The following TSFM variants were observed in gnomAD, a reference collection of about 807,000 sequenced individuals.
TSFM encodes Ts translation elongation factor, mitochondrial, also known as elongation factor Ts, mitochondrial.
TSFM carries 29 observed loss-of-function variants against 33.4 expected under a neutral mutation model. The ratio of observed to expected loss-of-function variants is 0.87; its 90% confidence interval spans 0.65 to 1.18. The LOEUF (loss-of-function observed/expected upper bound fraction) is 1.18. TSFM is among the 50% of genes most tolerant of loss of function. The pLI, the probability that TSFM is intolerant of heterozygous loss-of-function variation, is 0.00. For synonymous variants in TSFM, 178 were observed against 163.5 expected (o/e 1.09, Z -0.68); for missense variants, 394 against 395.6 (o/e 1.00, Z 0.04).
chr12:57,798,131 TG>T (rs1322090471), downstream of TSFM: 7 of 530,390 alleles, frequency 1.3e-5, no homozygotes, highest in African/African-American at 2.0e-5. Flanking sequence ...TCAGAAAGGC[TG>T]TTAAAGATTT....
intron 4 of TSFM, among the ~76,000 whole-genome samples, chr12:57,790,683 G>A (rs1955650811): frequency 6.6e-6 from 1 of 151,500 alleles, no homozygotes; most frequent in Admixed American, 6.6e-5. Flanking sequence ...TTCCTTCTGT[G>A]AGCTTATGTT....
intron 4 of TSFM, chr12:57,791,895 A>G: frequency 3.0e-6 from 1 of 335,690 alleles, no homozygotes; most frequent in Non-Finnish European, 6.1e-6. Flanking sequence ...ACCATTTTGC[A>G]TTCCCATCAA....
chr12:57,783,356 A>G (rs1955540308), intron 2 of TSFM, 73 bp downstream of exon 2: 6 of 1,576,384 alleles, frequency 3.8e-6, no homozygotes, highest in Non-Finnish European at 5.2e-6. Context: ...CACGCTGGGG[A>G]GCATAAAGTT....
chr12:57,797,950 T>C (rs753424500), downstream of TSFM: 3 of 1,613,418 alleles, frequency 1.9e-6, no homozygotes, highest in Non-Finnish European at 1.7e-6. Context: ...AATTGCCCTC[T>C]TGTGATGCCA....
chr12:57,782,879 T>G, intron 1 of TSFM, 21 bp downstream of exon 1: 1 of 1,584,234 alleles, frequency 6.3e-7, no homozygotes. Context: ...CTGGTGCTGG[T>G]ACCGACCTGC....
Position 57,786,299 on chromosome 12 carries a change from G to T in TSFM, c.360+8G>T, listed in dbSNP as rs781259889. The T allele has an allele frequency of 1.8e-5, 29 of 1,608,964 alleles. No homozygotes were observed. The highest frequency in any genetic ancestry group is 2.4e-5 in the Non-Finnish European group (28 of 1,177,296). On this transcript the variant is annotated splice_region_variant and intron_variant, in intron 3 of 5. Transcript: ENST00000652027. ...ACAACTGTATTAGTAGAGGTGAGTT[G>T]TTGGAAATTCCAGATACCAAGAACA...
chr12:57,784,856 G>A (rs945300477), intron 2 of TSFM, among the ~76,000 whole-genome samples: 1 of 151,064 alleles, frequency 6.6e-6, no homozygotes, highest in Non-Finnish European at 1.5e-5. Context: ...CTCCAGCCTG[G>A]GCAATAAGAG....
chr12:57,796,290 C>G lies in TSFM; in HGVS notation c.685C>G (p.Leu229Val). 3 of 1,612,558 alleles carry G rather than the reference C, an allele frequency of 1.9e-6. No homozygotes were observed. The highest frequency in any genetic ancestry group is 2.5e-6 in the Non-Finnish European group (3 of 1,179,280). ...GAMQSPSLHKLVLGKYGALVI... is the reference protein window; with the variant it reads ...GAMQSPSLHKVVLGKYGALVI... ...AATGCAGAGTCCCTCACTTCACAAGCTGGTGCTGGGGAAGTATGGGGCCCT... is the reference window on the plus strand; with the variant it reads ...AATGCAGAGTCCCTCACTTCACAAGGTGGTGCTGGGGAAGTATGGGGCCCT... Residue 229 changes from leucine to valine, a missense_variant, in exon 6 of 6, where the codon CTG becomes GTG. This residue lies in a region of TSFM where 186 missense variants were observed against 198.8 expected (regional missense o/e 0.94). Coordinates refer to ENST00000652027, the MANE Select transcript of TSFM (RefSeq NM_005726.6).
At chr12:57,784,340 A>G (rs933165635) in intron 2 of TSFM, among the ~76,000 whole-genome samples, 1 of 152,250 alleles carries the variant, frequency 6.6e-6, no homozygotes, top group African/African-American at 2.4e-5. Context: ...TTAGGACACT[A>G]TGGTGCACTA....
downstream of TSFM, chr12:57,801,339 A>C (rs1384954363): frequency 2.8e-6 from 2 of 710,528 alleles, no homozygotes; most frequent in Non-Finnish European, 4.7e-6. Context: ...AAGGATAAGT[A>C]AAAATGAAAA....
chr12:57,782,861 G>A lies in TSFM; in HGVS notation c.57+3G>A. 1 of 1,591,750 alleles carries A rather than the reference G, an allele frequency of 6.3e-7. No individual in the cohort carries two copies. Among genetic ancestry groups the A allele is most frequent in the South Asian group, 1.1e-5 (1 of 87,542 alleles). ...TCGCGCGGACCGGGAGCTACCCGGT[G>A]AGAAGTCCTGGTGCTGGTACCGACC... is the stretch of plus-strand genomic sequence containing the variant. On this transcript the variant is annotated splice_donor_region_variant and intron_variant, in intron 1 of 5. Transcript: ENST00000652027.
At chr12:57,801,372 G>T, downstream of TSFM, 1 of 561,728 alleles carries the variant, frequency 1.8e-6, no homozygotes, top group East Asian at 3.1e-5. Flanking sequence ...GGTCCATGCA[G>T]GCTTGAAAGG....
intron 4 of TSFM, among the ~76,000 whole-genome samples, 150 bp from the exon 5 acceptor site, chr12:57,792,832 TCCAC>T (rs1414978735): frequency 1.3e-5 from 2 of 152,234 alleles, no homozygotes; most frequent in Non-Finnish European, 2.9e-5. Context: ...CCTCAGGTGA[TCCAC>T]CCACCTTGGC....
intron 2 of TSFM, 62 bp downstream of exon 2, chr12:57,783,345 T>TG: frequency 6.3e-7 from 1 of 1,599,362 alleles, no homozygotes; most frequent in Non-Finnish European, 8.6e-7. Context: ...CTTGGGGCGG[T>TG]CACGCTGGGG....
At chr12:57,786,107 A>C in intron 2 of TSFM, 56 bp from the exon 3 acceptor site, 1 of 1,528,332 alleles carries the variant, frequency 6.5e-7, no homozygotes, top group Non-Finnish European at 8.8e-7. Flanking sequence ...TTAGAACTAC[A>C]TTTAGTGCTA....
chr12:57,784,844 C>T (rs1197080852), intron 2 of TSFM, among the ~76,000 whole-genome samples: 1 of 150,124 alleles, frequency 6.7e-6, no homozygotes, highest in East Asian at 2.0e-4. Context: ...CGTGCCATTG[C>T]ACTCCAGCCT....
intron 4 of TSFM, among the ~76,000 whole-genome samples, chr12:57,791,594 T>C (rs890574517): frequency 2.6e-5 from 4 of 152,226 alleles, no homozygotes; most frequent in African/African-American, 9.6e-5. Context: ...CACTTAATAA[T>C]ATGTCCTGGA....
chr12:57,786,100 G>A (rs1201748730), intron 2 of TSFM, 63 bp from the exon 3 acceptor site: 1 of 1,503,274 alleles, frequency 6.7e-7, no homozygotes, highest in African/African-American at 1.4e-5. Flanking sequence ...GTATATCTTA[G>A]AACTACATTT....
intron 4 of TSFM, 33 bp from the exon 5 acceptor site, chr12:57,792,953 A>G: frequency 6.3e-7 from 1 of 1,592,738 alleles, no homozygotes; most frequent in Non-Finnish European, 8.6e-7. Flanking sequence ...ATAGTACAGA[A>G]TCAGTTCATG....
Sources: allele counts gnomAD v4.1 joint callset (sites outside exome capture counted in the v4.1 genomes callset), GRCh38; gene constraint gnomAD v4.1.1; regional missense constraint gnomAD v4.1.1; transcripts MANE v1.5; gene names NCBI Gene and HGNC (gene_info 2026-07-23, HGNC 2026-07-21).